COL6A3: variants seen among roughly 807,000 people sequenced by gnomAD.
The protein encoded by COL6A3 is collagen type VI alpha 3 chain.
A neutral mutation model predicts 274.1 loss-of-function variants in COL6A3; 137 were observed. The ratio of observed to expected loss-of-function variants is 0.50; its 90% CI spans 0.44 to 0.58. COL6A3 has a LOEUF of 0.58. COL6A3 is among the 20% of genes least tolerant of loss of function. COL6A3 has a pLI of 0.00. For synonymous variants in COL6A3, 1,650 were observed against 1,650.6 expected (o/e 1.00, Z 0.01); for missense variants, 3,950 against 4,124.9 (o/e 0.96, Z 1.16).
intron 3 of COL6A3, among the ~76,000 whole-genome samples, chr2:237,392,061 G>A (rs577453172): frequency 6.6e-6 from 1 of 152,112 alleles, no homozygotes; most frequent in South Asian, 2.1e-4. Flanking sequence ...TTGGAAGCAG[G>A]GAACACTTTG....
rs768207539 is a variant in COL6A3 at position 237,360,085 on chromosome 2, C to T, written c.6282+3G>A. On this transcript the variant is annotated splice_donor_region_variant and intron_variant, in intron 17 of 43. Coordinates refer to ENST00000295550, the MANE Select transcript of COL6A3 (RefSeq NM_004369.4). ...GCTAGCAACCCCATCACCCACGCCT[C>T]ACCTTTACTCCTCTCTGGCCCGGGC... is the stretch of plus-strand genomic sequence containing the variant. 2 of 1,614,126 alleles carry T rather than the reference C, an allele frequency of 1.2e-6. No individual in the cohort carries two copies. The highest frequency in any genetic ancestry group is 1.7e-6 in the Non-Finnish European group (2 of 1,179,996).
At chr2:237,331,380 G>C (rs1002802283) in intron 42 of COL6A3, among the ~76,000 whole-genome samples, 5 of 152,102 alleles carry the variant, frequency 3.3e-5, no homozygotes, top group African/African-American at 7.2e-5. Context: ...AATTATAGGA[G>C]AAGGTGAGGA....
chr2:237,364,317 T>G lies in COL6A3; in HGVS notation c.5917+33A>C. ...CAGTACACCCCGCCTCACCAGGGTT[T>G]ACTTCTCATATTTAGAAAGCCTTGG... On this transcript the variant is annotated intron_variant, in intron 13 of 43. Transcript: ENST00000295550. The surrounding 1 kb of genome is among the most constrained non-coding windows in gnomAD (Gnocchi z 4.6). The G allele has an allele frequency of 2.6e-6, 4 of 1,563,370 alleles. No individual in the cohort carries two copies. Among genetic ancestry groups the G allele is most frequent in the Non-Finnish European group, 3.5e-6 (4 of 1,134,660 alleles).
chr2:237,396,555 G>A (rs1363994992), intron 2 of COL6A3, among the ~76,000 whole-genome samples, 172 bp downstream of exon 2: 1 of 152,204 alleles, frequency 6.6e-6, no homozygotes, highest in East Asian at 1.9e-4. Flanking sequence ...TGGATAAAGA[G>A]TATCTGAAAA....
At position 237,369,103 on chromosome 2, in the gene COL6A3, G is replaced by T; in HGVS notation, c.4360C>A (p.His1454Asn). ...ATCCTGCTAACAAAATCTCGAATAT[G>T]TGCAAAGCCATCTGGCCTAACTCCC... ...SEGVRPDGFA[H>N]IRDFVSRIVR... is the part of the protein sequence containing the mutation. Residue 1454 changes from histidine (H) to asparagine (N), a missense_variant, in exon 10 of 44, where the codon CAT (histidine) becomes AAT (asparagine). His to Asn is a moderately conservative substitution (Grantham distance 68). Around this residue, in one of 5 missense-constraint regions of COL6A3, gnomAD observed 1,934 missense variants for 1,984.3 expected, o/e 0.97. Coordinates refer to ENST00000295550, the MANE Select transcript of COL6A3 (RefSeq NM_004369.4). The T allele has an allele frequency of 6.2e-7, 1 of 1,614,174 alleles. No homozygotes were observed. The highest frequency in any genetic ancestry group is 8.5e-7 in the Non-Finnish European group (1 of 1,180,040).
In COL6A3 at chr2:237,371,589, C is replaced by T. The variant is rs1170911349; in HGVS notation, c.4285+143G>A. 4.7e-6 allele frequency: 7 copies of T among 1,482,838 alleles called. No homozygotes were observed. The highest frequency in any genetic ancestry group is 6.2e-6 in the Non-Finnish European group (7 of 1,123,558). The allele number at this position is 1,482,838 out of a possible 1,614,324, so 91.9% of individuals were successfully genotyped here. ...CTCCAGCCTGGACGACAGAGCCAGA[C>T]CCTGTCTCAAAATAAAAACCATAAA... is the stretch of plus-strand genomic sequence containing the variant. On this transcript the variant is annotated intron_variant, in intron 9 of 43. Coordinates refer to ENST00000295550, the MANE Select transcript of COL6A3 (RefSeq NM_004369.4). This position sits in a 1 kb window ranked among gnomAD's most constrained non-coding sequence, Gnocchi z 4.3.
At chr2:237,351,320 A>C in intron 26 of COL6A3, 128 bp from the exon 27 acceptor site, 1 of 813,048 alleles carries the variant, frequency 1.2e-6, no homozygotes. Flanking sequence ...TCCCACCTGC[A>C]AATCCCAAGC....
At chr2:237,365,564 A>G in intron 12 of COL6A3, 134 bp downstream of exon 12, 1 of 815,608 alleles carries the variant, frequency 1.2e-6, no homozygotes. Flanking sequence ...GTTAATAACT[A>G]AGGGATTTTC....
intron 8 of COL6A3, among the ~76,000 whole-genome samples, chr2:237,373,737 C>T (rs1027058441): frequency 3.9e-5 from 6 of 152,154 alleles, no homozygotes; most frequent in Admixed American, 3.9e-4. Context: ...GAGAGTGGCC[C>T]TTGGAGGACA....
intron 39 of COL6A3, 118 bp downstream of exon 39, chr2:237,338,897 G>A (rs1700683015): frequency 2.6e-6 from 2 of 756,714 alleles, no homozygotes; most frequent in Non-Finnish European, 4.6e-6. Flanking sequence ...CATTACCTTT[G>A]GGAAGTCACA....
Position 237,368,462 on chromosome 2 carries a change from C to T in COL6A3, c.4900+101G>A. ...TCTAATATTATCTGAAGAAACAACC[C>T]AGAGAGAAGAAAATTATTAAAAATG... On this transcript the variant is annotated intron_variant, in intron 10 of 43. Transcript: ENST00000295550. The surrounding 1 kb of genome is among the most constrained non-coding windows in gnomAD (Gnocchi z 4.4). 1 of 1,417,154 alleles carries T rather than the reference C, an allele frequency of 7.1e-7. No homozygotes were observed. The highest frequency in any genetic ancestry group is 9.6e-7 in the Non-Finnish European group (1 of 1,044,064). 87.8% of individuals were successfully genotyped at this position (1,417,154 alleles called of 1,614,324 possible).
chr2:237,342,370 G>A, intron 36 of COL6A3: 1 of 587,680 alleles, frequency 1.7e-6, no homozygotes, highest in South Asian at 2.0e-5. Context: ...GTGAGCTGGA[G>A]TTCATATCCC....
chr2:237,407,814 C>A lies in COL6A3; in HGVS notation c.-31+6139G>T, dbSNP rs1187272884. 6.6e-6 allele frequency among the ~76,000 whole-genome samples: 1 copy of A among 152,142 alleles called. No homozygotes were observed. Among genetic ancestry groups the A allele is most frequent in the Non-Finnish European group, 1.5e-5 (1 of 68,040 alleles). On this transcript the variant is annotated intron_variant, in intron 1 of 43. Coordinates refer to ENST00000295550, the MANE Select transcript of COL6A3 (RefSeq NM_004369.4). This position sits in a 1 kb window ranked among gnomAD's most constrained non-coding sequence, Gnocchi z 4.3. ...CAAGATTTTGTCTGCACTTATACTG[C>A]TAATTATAAACATCAGGCAGAGACT...
chr2:237,341,552 A>T (rs1214397220), intron 37 of COL6A3, among the ~76,000 whole-genome samples: 1 of 150,694 alleles, frequency 6.6e-6, no homozygotes, highest in East Asian at 1.9e-4. Context: ...CTAAAAAAAA[A>T]AAAAAAAAAA....
chr2:237,374,963 C>T lies in COL6A3; in HGVS notation c.3128G>A (p.Gly1043Asp), dbSNP rs1175041497. The part of the protein sequence containing the change: ...LLDGSEGVRS[G>D]FPLLKEFVQR... Reference sequence around the variant, plus strand: ...GACAAACTCTTTCAACAGAGGGAAGCCGCTCCTGACGCCCTCAGAGCCATC... The same window carrying T: ...GACAAACTCTTTCAACAGAGGGAAGTCGCTCCTGACGCCCTCAGAGCCATC... The change falls in exon 8 of 44, where the codon GGC becomes GAC. Residue 1043 changes from glycine to aspartate, a missense_variant. By Grantham distance (94) the Gly-to-Asp change is moderately conservative. Coordinates refer to ENST00000295550, the MANE Select transcript of COL6A3 (RefSeq NM_004369.4). This position sits in a 1 kb window ranked among gnomAD's most constrained non-coding sequence, Gnocchi z 4.8. The T allele has an allele frequency of 6.2e-7, 1 of 1,613,854 alleles. No individual in the cohort carries two copies. Among genetic ancestry groups the T allele is most frequent in the African/African-American group, 1.3e-5 (1 of 74,884 alleles).
chr2:237,331,717 C>CT (rs1244027898), intron 42 of COL6A3, among the ~76,000 whole-genome samples: 21 of 87,418 alleles, frequency 2.4e-4, no homozygotes, highest in Non-Finnish European at 3.3e-4. Context: ...GGGCCTTGTT[C>CT]TTTTTTTAAA....
intron 10 of COL6A3, among the ~76,000 whole-genome samples, chr2:237,367,840 T>C (rs1437888065): frequency 1.3e-5 from 2 of 152,028 alleles, no homozygotes; most frequent in Admixed American, 6.6e-5. Flanking sequence ...GTGTGGAGGG[T>C]AATTTCTTGA....
chr2:237,359,844 A>C lies in COL6A3; in HGVS notation c.6282+244T>G, dbSNP rs113947892. ...CCCTGGCCCATGTTCTCTCCTTGTG[A>C]GGGTTTCCTGGCTTCTTCATGTTTC... On this transcript the variant is annotated intron_variant, in intron 17 of 43. Transcript: ENST00000295550. Among the ~76,000 whole-genome samples, 465 of 152,214 alleles carry C rather than the reference A, an allele frequency of 3.1e-3. 3 individuals are homozygous for C. The highest frequency in any genetic ancestry group is 6.8e-3 in the Middle Eastern group (2 of 294).
intron 29 of COL6A3, 99 bp downstream of exon 29, chr2:237,348,514 T>C: frequency 7.1e-7 from 1 of 1,415,932 alleles, no homozygotes; most frequent in African/African-American, 1.4e-5. Context: ...CAAAGACAAT[T>C]TTTAAAGAAA....
Sources: gnomAD v4.1 joint callset for allele counts (sites outside exome capture counted in the v4.1 genomes callset) on GRCh38, gnomAD v4.1.1 for gene constraint, gnomAD v4.1.1 regional missense constraint, Gnocchi (gnomAD v3.1) non-coding constraint, MANE v1.5 for transcripts, NCBI Gene and HGNC (gene_info 2026-07-23, HGNC 2026-07-21) for gene names.